USP48: variants seen among roughly 807,000 people sequenced by gnomAD.
The protein encoded by USP48 is ubiquitin specific peptidase 48, also known as ubiquitin carboxyl-terminal hydrolase 48.
Under a neutral mutation model 150.7 loss-of-function variants are expected in USP48, and 43 were observed. The ratio of observed to expected loss-of-function variants is 0.29; its 90% CI spans 0.22 to 0.37. The LOEUF (loss-of-function observed/expected upper bound fraction) is 0.37, where lower values mean the gene tolerates loss of function less well. USP48 is among the 10% of genes least tolerant of loss of function. The pLI is 1.00. For synonymous variants in USP48, 396 were observed against 425.9 expected (o/e 0.93, Z 0.86); for missense variants, 813 against 1,249.6 (o/e 0.65, Z 5.27).
intron 1 of USP48, among the ~76,000 whole-genome samples, chr1:21,770,161 C>CAAAAAA (rs34388606): frequency 7.3e-6 from 1 of 137,002 alleles, no homozygotes. Context: ...CGTCCTCCAC[C>CAAAAAA]AAAAAAAAAA....
intron 1 of USP48, among the ~76,000 whole-genome samples, chr1:21,770,707 C>G (rs1423058350): frequency 6.6e-6 from 1 of 151,488 alleles, no homozygotes; most frequent in Admixed American, 6.6e-5. Flanking sequence ...GTCTCGAACT[C>G]CTGACCTCAG....
chr1:21,748,529 T>G (rs1342864214), intron 6 of USP48, among the ~76,000 whole-genome samples: 1 of 152,246 alleles, frequency 6.6e-6, no homozygotes, highest in East Asian at 1.9e-4. Flanking sequence ...TGTTTTAGGT[T>G]CTTTGTCCTG....
chr1:21,756,976 C>T (rs778189136), intron 2 of USP48: 7 of 985,326 alleles, frequency 7.1e-6, no homozygotes, highest in Non-Finnish European at 8.4e-6. Flanking sequence ...AAAATTAGAA[C>T]AGTGGATTCT....
rs1465785123 is a variant in USP48, at chr1:21,694,994, T to C, written c.2883+72A>G. On this transcript the variant is annotated intron_variant, in intron 23 of 26. Coordinates refer to ENST00000308271, the MANE Select transcript of USP48 (RefSeq NM_032236.8). ...ACACAGATACATACATATATGTAAA[T>C]ACAGGTGGAAAGCAGGAATTCATAA... 4 of 1,476,940 alleles carry C rather than the reference T, an allele frequency of 2.7e-6. No homozygotes were observed. In the East Asian group the frequency reaches 9.5e-5, roughly 35 times the overall value. The allele number at this position is 1,476,940 out of a possible 1,614,324, so 91.5% of individuals were successfully genotyped here. A position where few individuals can be genotyped will look rare whatever the true frequency, so the allele number is the denominator to read the frequency against.
intron 9 of USP48, among the ~76,000 whole-genome samples, chr1:21,734,065 G>A (rs1397974584): frequency 2.0e-5 from 3 of 152,220 alleles, no homozygotes; most frequent in Non-Finnish European, 2.9e-5. Flanking sequence ...AAATGGGAGC[G>A]AGATTGCTGA....
At chr1:21,745,572 AT>A (rs1223316802) in intron 8 of USP48, among the ~76,000 whole-genome samples, 22 of 152,338 alleles carry the variant, frequency 1.4e-4, no homozygotes, top group Non-Finnish European at 2.5e-4. Context: ...AAACAAATTA[AT>A]AAAAAATAAA....
chr1:21,727,967 G>A (rs577567110), intron 11 of USP48: 2 of 985,354 alleles, frequency 2.0e-6, no homozygotes, highest in Admixed American at 1.2e-4. Context: ...AATACAAATG[G>A]CACATCAGCC....
intron 24 of USP48, among the ~76,000 whole-genome samples, chr1:21,687,841 A>G (rs1196306065): frequency 6.6e-6 from 1 of 152,210 alleles, no homozygotes; most frequent in African/African-American, 2.4e-5. Context: ...AGACAGGATC[A>G]TTAGGATCTA....
chr1:21,712,337 C>T (rs973010463), intron 15 of USP48, among the ~76,000 whole-genome samples: 68 of 152,048 alleles, frequency 4.5e-4, no homozygotes, highest in African/African-American at 1.6e-3. Flanking sequence ...CCAGCCTGGG[C>T]GACACAGTGA....
chr1:21,774,591 G>A (rs533468734), intron 1 of USP48, among the ~76,000 whole-genome samples: 227 of 152,122 alleles, frequency 1.5e-3, no homozygotes, highest in African/African-American at 5.4e-3. Flanking sequence ...GGAGGCTGAG[G>A]CAGGAGAATT....
intron 1 of USP48, among the ~76,000 whole-genome samples, chr1:21,774,473 G>T (rs182419201): frequency 1.3e-4 from 20 of 152,108 alleles, no homozygotes; most frequent in Non-Finnish European, 2.6e-4. Context: ...CAGATCGCGA[G>T]GTCAGGAGAT....
chr1:21,689,194 G>C (rs17457316), intron 24 of USP48, among the ~76,000 whole-genome samples: 9,442 of 148,488 alleles, frequency 0.064, 408 homozygotes, highest in Non-Finnish European at 0.082. Context: ...TTGGTCACAA[G>C]TCTATCTTCT....
chr1:21,756,464 G>C, intron 3 of USP48, 82 bp downstream of exon 3: 1 of 1,419,242 alleles, frequency 7.0e-7, no homozygotes, highest in Non-Finnish European at 9.3e-7. Flanking sequence ...TTGGGAAACA[G>C]AGGAAGACTC....
chr1:21,753,746 G>A (rs1401367734), intron 3 of USP48, among the ~76,000 whole-genome samples: 1 of 146,270 alleles, frequency 6.8e-6, no homozygotes, highest in East Asian at 2.1e-4. Context: ...AGGATAGCTT[G>A]AACCCAGGAG....
intron 1 of USP48, chr1:21,768,515 C>G (rs987603520): frequency 6.6e-6 from 1 of 152,180 alleles, no homozygotes; most frequent in South Asian, 2.1e-4. Flanking sequence ...ATTGCTTAAT[C>G]TTTTTTGTTT....
Position 21,724,104 on chromosome 1 carries a change from G to C in USP48, c.1451-9C>G. ...GACAAACTCATAGGGCTCTGAGAAAGCAAGCATCGGAAAGAGCCTATGTAT... is the reference window on the plus strand; with the variant it reads ...GACAAACTCATAGGGCTCTGAGAAACCAAGCATCGGAAAGAGCCTATGTAT... On this transcript the variant is annotated splice_polypyrimidine_tract_variant and intron_variant, in intron 11 of 26. Transcript: ENST00000308271. 1 of 1,613,672 alleles carries C rather than the reference G, an allele frequency of 6.2e-7. No individual in the cohort carries two copies. Among genetic ancestry groups the C allele is most frequent in the Non-Finnish European group, 8.5e-7 (1 of 1,179,694 alleles).
chr1:21,701,371 A>G (rs1217934145), intron 22 of USP48, 127 bp downstream of exon 22: 5 of 683,188 alleles, frequency 7.3e-6, no homozygotes, highest in Non-Finnish European at 1.2e-5. Context: ...ATCTCAAAAA[A>G]AAAAAAAAAA....
At chr1:21,764,319 G>A (rs1371822084) in intron 1 of USP48, among the ~76,000 whole-genome samples, 3 of 151,558 alleles carry the variant, frequency 2.0e-5, no homozygotes, top group African/African-American at 7.3e-5. Flanking sequence ...TATGCCTATA[G>A]TCCCAGCTGC....
At chr1:21,707,719 C>T (rs1179057498) in intron 15 of USP48, among the ~76,000 whole-genome samples, 3 of 152,192 alleles carry the variant, frequency 2.0e-5, no homozygotes, top group Non-Finnish European at 4.4e-5. Context: ...TTTGTTTCTG[C>T]ACCCATTGGC....
Sources: allele counts gnomAD v4.1 joint callset (sites outside exome capture counted in the v4.1 genomes callset), GRCh38; gene constraint gnomAD v4.1.1; transcripts MANE v1.5; gene names NCBI Gene and HGNC (gene_info 2026-07-23, HGNC 2026-07-21).